ADGB: variants seen among roughly 807,000 people sequenced by gnomAD.
ADGB encodes calpain-7-like protein.
In ADGB, 172 loss-of-function variants were observed where a neutral mutation model predicts 210.5. That is an observed-to-expected ratio of 0.82 (90% CI 0.72 to 0.93). The LOEUF is 0.93. Ranked by LOEUF, ADGB falls within the 40% of genes least tolerant of loss-of-function variation. The probability of loss-of-function intolerance (pLI) is 0.00; values close to 1 mark genes in which losing one functional copy is unlikely to be tolerated. For synonymous variants in ADGB, 658 were observed against 662.7 expected (o/e 0.99, Z 0.11); for missense variants, 2,025 against 1,964.8 (o/e 1.03, Z -0.58).
chr6:146,790,753 G>C (rs1173396281), intron 33 of ADGB, among the ~76,000 whole-genome samples: 2 of 152,064 alleles, frequency 1.3e-5, no homozygotes, highest in Admixed American at 1.3e-4. Context: ...TTAGTTTCTT[G>C]AATAACCTCC....
intron 10 of ADGB, among the ~76,000 whole-genome samples, chr6:146,687,985 ACT>A (rs1776255399): frequency 6.6e-6 from 1 of 152,158 alleles, no homozygotes; most frequent in South Asian, 2.1e-4. Flanking sequence ...AAGTTAAAAA[ACT>A]AAGACTAAAG....
intron 1 of ADGB, among the ~76,000 whole-genome samples, chr6:146,615,382 A>G (rs1407593426): frequency 6.6e-6 from 1 of 152,202 alleles, no homozygotes; most frequent in African/African-American, 2.4e-5. Context: ...TGGAGGGGAC[A>G]GACATCCAAA....
At chr6:146,654,806 G>A (rs1427270209) in intron 4 of ADGB, among the ~76,000 whole-genome samples, 18 of 152,116 alleles carry the variant, frequency 1.2e-4, no homozygotes, top group Admixed American at 1.2e-3. Flanking sequence ...TTGTGTGTGT[G>A]TATATGTGTG....
chr6:146,611,585 C>T (rs1780712279), intron 1 of ADGB, among the ~76,000 whole-genome samples: 1 of 152,266 alleles, frequency 6.6e-6, no homozygotes, highest in South Asian at 2.1e-4. Context: ...CCAGTAGCTG[C>T]TCAGGGCCAG....
chr6:146,799,912 C>T (rs1302694944), intron 33 of ADGB, among the ~76,000 whole-genome samples: 1 of 151,852 alleles, frequency 6.6e-6, no homozygotes, highest in East Asian at 2.0e-4. Context: ...CGGGTTCAAG[C>T]GATTCTCCTG....
intron 25 of ADGB, among the ~76,000 whole-genome samples, chr6:146,742,530 C>T (rs1777176995): frequency 6.6e-6 from 1 of 151,966 alleles, no homozygotes; most frequent in African/African-American, 2.4e-5. Flanking sequence ...AATTATACAC[C>T]TAAGCATAAT....
intron 16 of ADGB, among the ~76,000 whole-genome samples, chr6:146,718,860 T>C (rs1776773733): frequency 1.3e-5 from 2 of 152,150 alleles, no homozygotes; most frequent in African/African-American, 2.4e-5. Context: ...ATAAGAATAG[T>C]GACTGGGGGA....
intron 27 of ADGB, among the ~76,000 whole-genome samples, chr6:146,752,950 C>G (rs540315901): frequency 1.3e-5 from 2 of 151,812 alleles, no homozygotes; most frequent in African/African-American, 4.8e-5. Context: ...ATTATATGAG[C>G]CTTCTTAATA....
chr6:146,785,399 T>A (rs1420066927), intron 31 of ADGB, among the ~76,000 whole-genome samples: 1 of 152,196 alleles, frequency 6.6e-6, no homozygotes, highest in African/African-American at 2.4e-5. Flanking sequence ...TGCTTCTTCA[T>A]CTATTCTCAA....
At chr6:146,791,943 T>A (rs3065935) in intron 33 of ADGB, among the ~76,000 whole-genome samples, 9 of 107,024 alleles carry the variant, frequency 8.4e-5, no homozygotes, top group South Asian at 3.0e-4. Flanking sequence ...TTTTTTTTTT[T>A]AATTTTTGTA....
chr6:146,737,445 T>A (rs1251775231), intron 23 of ADGB, among the ~76,000 whole-genome samples: 3 of 152,090 alleles, frequency 2.0e-5, no homozygotes, highest in Admixed American at 1.3e-4. Flanking sequence ...CTCAGAAATC[T>A]TAGTGTGTAA....
intron 1 of ADGB, among the ~76,000 whole-genome samples, chr6:146,600,056 A>G (rs938159853): frequency 6.6e-6 from 1 of 152,104 alleles, no homozygotes; most frequent in African/African-American, 2.4e-5. Context: ...CCTAGGATTT[A>G]AACTCTTTTT....
In ADGB at chr6:146,649,319, A is replaced by T. The variant is rs1019551482; in HGVS notation, c.330+4454A>T. 9.2e-5 allele frequency among the ~76,000 whole-genome samples: 14 copies of T among 151,664 alleles called. No individual in the cohort carries two copies. In the East Asian group the frequency reaches 1.9e-3, roughly 21 times the overall value. ...ATATTAAGTTAGTCTTATTTGTTTT[A>T]AAAAAAAGTCACACAAAGATTATTT... On this transcript the variant is annotated intron_variant, in intron 3 of 35. Coordinates refer to ENST00000397944, the MANE Select transcript of ADGB (RefSeq NM_024694.4).
At chr6:146,770,790 G>A (rs1221706959) in intron 29 of ADGB, among the ~76,000 whole-genome samples, 2 of 152,108 alleles carry the variant, frequency 1.3e-5, no homozygotes, top group African/African-American at 4.8e-5. Context: ...TGTGGTATGT[G>A]GATAACTCCA....
chr6:146,791,251 GA>G (rs1261765191), intron 33 of ADGB, among the ~76,000 whole-genome samples: 3 of 152,138 alleles, frequency 2.0e-5, no homozygotes, highest in African/African-American at 7.2e-5. Context: ...CATATTCAAA[GA>G]AAATATTGCC....
In ADGB at chr6:146,708,748, C is replaced by G. The variant is rs530050092; in HGVS notation, c.1708-6634C>G. ...CCTTCCTCTACCTGGATATATATAA[C>G]TTTCCCCAGATTTGAGAAGTTTTCT... On this transcript the variant is annotated intron_variant, in intron 13 of 35. Coordinates refer to ENST00000397944, the MANE Select transcript of ADGB (RefSeq NM_024694.4). Among the ~76,000 whole-genome samples, 13 of 152,176 alleles carry G rather than the reference C, an allele frequency of 8.5e-5. No homozygotes were observed. The South Asian group carries it at 2.7e-3, about 32-fold the overall frequency.
chr6:146,629,808 T>G (rs1781032520), intron 1 of ADGB, among the ~76,000 whole-genome samples: 1 of 152,216 alleles, frequency 6.6e-6, no homozygotes, highest in Non-Finnish European at 1.5e-5. Context: ...TAGTCATCCT[T>G]ACTCCTTTAT....
intron 12 of ADGB, among the ~76,000 whole-genome samples, chr6:146,698,356 A>G (rs1562277401): frequency 2.0e-5 from 3 of 152,228 alleles, no homozygotes; most frequent in Admixed American, 1.3e-4. Context: ...ACTATAATCT[A>G]TGATAGGAAT....
At position 146,793,858 on chromosome 6, in the gene ADGB, A is replaced by T. The variant is rs1309695573; in HGVS notation, c.4537+5248A>T. ...AGAAGGTACAAAGTCCTTCTTTCTCAGCAGTGAGGAGGTCTAGGCCTCAGT... is the reference window on the plus strand; with the variant it reads ...AGAAGGTACAAAGTCCTTCTTTCTCTGCAGTGAGGAGGTCTAGGCCTCAGT... On this transcript the variant is annotated intron_variant, in intron 33 of 35. Transcript: ENST00000397944. Among the ~76,000 whole-genome samples the T allele has an allele frequency of 2.6e-5, 4 of 152,232 alleles. 1 individual carries two copies. The South Asian group carries it at 6.2e-4, about 24-fold the overall frequency.
Sources: gnomAD v4.1 joint callset for allele counts (sites outside exome capture counted in the v4.1 genomes callset) on GRCh38, gnomAD v4.1.1 for gene constraint, MANE v1.5 for transcripts, NCBI Gene and HGNC (gene_info 2026-07-23, HGNC 2026-07-21) for gene names.